The following ZNF208 variants were observed in gnomAD, a reference collection of about 807,000 sequenced individuals.
ZNF208 encodes zinc finger protein 95.
In ZNF208, 10 loss-of-function variants were observed where a neutral mutation model predicts 12.1. The observed-to-expected ratio is 0.83, with a 90% CI of 0.51 to 1.40. The LOEUF is 1.40. ZNF208 is among the 40% of genes most tolerant of loss of function. The pLI is 0.00. For synonymous variants in ZNF208, 497 were observed against 488.4 expected (o/e 1.02, Z -0.23); for missense variants, 1,652 against 1,485.0 (o/e 1.11, Z -1.85).
intron 1 of ZNF208, among the ~76,000 whole-genome samples, chr19:22,004,075 G>T (rs1033569842): frequency 1.3e-5 from 2 of 152,056 alleles, no homozygotes; most frequent in Non-Finnish European, 2.9e-5. Context: ...TACTTGGGAA[G>T]CTTAGGTAGA....
chr19:22,005,261 G>A (rs1040859950), intron 1 of ZNF208, among the ~76,000 whole-genome samples: 5 of 152,144 alleles, frequency 3.3e-5, no homozygotes, highest in Non-Finnish European at 7.4e-5. Context: ...TTTGTGAGTG[G>A]GTAGAAATCC....
chr19:21,940,918 A>G (rs1172304206), intron 4 of ZNF208: 1 of 157,384 alleles, frequency 6.4e-6, no homozygotes, highest in African/African-American at 2.4e-5. Context: ...CTGCGCACTA[A>G]GCTGAGCCGC....
intron 4 of ZNF208, among the ~76,000 whole-genome samples, chr19:21,950,849 C>T (rs1471996648): frequency 2.0e-5 from 3 of 152,106 alleles, no homozygotes; most frequent in Non-Finnish European, 4.4e-5. Context: ...AATTAGAAAA[C>T]TGGCAAACAA....
At chr19:21,997,173 A>G (rs1004336320) in intron 1 of ZNF208, among the ~76,000 whole-genome samples, 5 of 152,246 alleles carry the variant, frequency 3.3e-5, no homozygotes, top group African/African-American at 1.2e-4. Flanking sequence ...CATGCATTAT[A>G]GTCAATTTGC....
rs1297572296 is a variant in ZNF208 at position 21,972,210 on chromosome 19, C to T, written c.2824G>A (p.Glu942Lys). Residue 942 changes from glutamate to lysine, a missense_variant, in exon 4 of 4, where the codon GAG becomes AAG. By Grantham distance (56) the Glu-to-Lys change is moderately conservative. This residue lies in a region of ZNF208 where 1,239 missense variants were observed against 1,086.2 expected (regional missense o/e 1.14). Transcript: ENST00000397126. ...CATGCTTCACATTTGTAGAATTTCT[C>T]TCCAGCATGAGTTTTCTTATGTTTA... ...FSKHKKTHAG[E>K]KFYKCEACGK... is the part of the protein sequence containing the mutation. 6.2e-7 allele frequency: 1 copy of T among 1,613,304 alleles called. No homozygotes were observed. The highest frequency in any genetic ancestry group is 8.5e-7 in the Non-Finnish European group (1 of 1,179,800).
At chr19:21,958,709 A>G (rs1013729002) in intron 4 of ZNF208, among the ~76,000 whole-genome samples, 5 of 150,428 alleles carry the variant, frequency 3.3e-5, no homozygotes, top group Non-Finnish European at 7.4e-5. Context: ...CTTCTGAGAT[A>G]CTTAAACCAG....
At chr19:22,009,912 G>T (rs117014478) in intron 1 of ZNF208, among the ~76,000 whole-genome samples, 2 of 152,242 alleles carry the variant, frequency 1.3e-5, no homozygotes, top group Admixed American at 1.3e-4. Context: ...AAGGCCGGGC[G>T]CGGTGGCTTA....
rs1415802739 is a variant in ZNF208 at position 21,967,424 on chromosome 19, C to T, written c.*3767G>A. The T allele has an allele frequency of 6.6e-6, 1 of 152,076 alleles. No individual in the cohort carries two copies. The highest frequency in any genetic ancestry group is 1.5e-5 in the Non-Finnish European group (1 of 68,022). The allele number at this position is 152,076 out of a possible 1,614,324, so 9.4% of individuals were successfully genotyped here. A position where few individuals can be genotyped will look rare whatever the true frequency, so the allele number is the denominator to read the frequency against. On this transcript the variant is annotated 3_prime_UTR_variant, in exon 4 of 4. Transcript: ENST00000397126. ...TAGATGTTTATTTTTGTACCAGAAC[C>T]ATGTTATACTGGTTATTCTGATGCA...
downstream of ZNF208, among the ~76,000 whole-genome samples, chr19:21,964,256 T>A (rs535545691): frequency 2.0e-5 from 3 of 151,872 alleles, no homozygotes; most frequent in Non-Finnish European, 4.4e-5. Flanking sequence ...TTATTTCAAA[T>A]GGCTTGCTCA....
At chr19:21,985,393 G>A (rs1443362422) in intron 3 of ZNF208, among the ~76,000 whole-genome samples, 1 of 152,170 alleles carries the variant, frequency 6.6e-6, no homozygotes, top group Non-Finnish European at 1.5e-5. Context: ...CCTGGGTTAT[G>A]TAGTGAAACC....
Position 21,968,575 on chromosome 19 carries a change from TG to T in ZNF208, c.*2615del, listed in dbSNP as rs1278563064. On this transcript the variant is annotated 3_prime_UTR_variant, in exon 4 of 4. Transcript: ENST00000397126. ...GCAAAATAACTTTCTGATTTGCTTT[TG>T]AATTCAGTTTGCTAGTATTTCATGG... is the stretch of plus-strand genomic sequence containing the variant. The T allele has an allele frequency of 2.0e-5, 3 of 152,200 alleles. No individual in the cohort carries two copies. The highest frequency in any genetic ancestry group is 7.2e-5 in the African/African-American group (3 of 41,460). The allele number at this position is 152,200 out of a possible 1,614,324, so 9.4% of individuals were successfully genotyped here. A position where few individuals can be genotyped will look rare whatever the true frequency, so the allele number is the denominator to read the frequency against.
chr19:22,006,337 C>A (rs1971043650), intron 1 of ZNF208, among the ~76,000 whole-genome samples: 1 of 152,194 alleles, frequency 6.6e-6, no homozygotes, highest in Non-Finnish European at 1.5e-5. Flanking sequence ...GTTGGTACTT[C>A]CTCCTGTTGT....
In ZNF208 at chr19:21,974,400, A is replaced by T. The variant is rs760774503; in HGVS notation, c.634T>A (p.Trp212Arg). 1 of 1,613,724 alleles carries T rather than the reference A, an allele frequency of 6.2e-7. No homozygotes were observed. The highest frequency in any genetic ancestry group is 8.5e-7 in the Non-Finnish European group (1 of 1,179,782). ...KCEEGGKAFN[W>R]SSTLTYYKSA... ...TTATAATAAGTAAGGGTTGAGGACC[A>T]GTTAAAAGCTTTGCCACCTTCTTCA... The change falls in exon 4 of 4, where the codon TGG becomes AGG. Residue 212 changes from tryptophan to arginine, a missense_variant. By Grantham distance (101) the Trp-to-Arg change is moderately radical (BLOSUM62 -3). Around this residue, in one of 3 missense-constraint regions of ZNF208, gnomAD observed 410 missense variants for 378.2 expected, o/e 1.08. Coordinates refer to ENST00000397126, the MANE Select transcript of ZNF208 (RefSeq NM_007153.3).
At chr19:21,963,922 T>C (rs1352803643), downstream of ZNF208, among the ~76,000 whole-genome samples, 1 of 151,950 alleles carries the variant, frequency 6.6e-6, no homozygotes, top group Non-Finnish European at 1.5e-5. Context: ...TTTTGAGACC[T>C]ATTGCACAGC....
chr19:21,988,910 C>G lies in ZNF208; in HGVS notation c.4-1G>C, dbSNP rs1420959333. The G allele has an allele frequency of 6.2e-7, 1 of 1,613,674 alleles. No individual in the cohort carries two copies. Among genetic ancestry groups the G allele is most frequent in the East Asian group, 2.2e-5 (1 of 44,856 alleles). Reference sequence around the variant, plus strand: ...CCACATCCCTAAATGTCAATGATCCCTGGAAAACACAAACACACATATTTA... The same window carrying G: ...CCACATCCCTAAATGTCAATGATCCGTGGAAAACACAAACACACATATTTA... On this transcript the variant is annotated splice_acceptor_variant, in intron 1 of 3. Transcript: ENST00000397126. LOFTEE classifies it high-confidence loss of function.
At chr19:21,955,922 A>C (rs1288532985) in intron 4 of ZNF208, among the ~76,000 whole-genome samples, 1 of 152,206 alleles carries the variant, frequency 6.6e-6, no homozygotes, top group Non-Finnish European at 1.5e-5. Context: ...TCTGATTTTT[A>C]GAATTTTCAG....
Position 21,968,292 on chromosome 19 carries a change from T to G in ZNF208, c.*2899A>C, listed in dbSNP as rs566180643. 15 of 152,290 alleles carry G rather than the reference T, an allele frequency of 9.8e-5. No homozygotes were observed. The East Asian group carries it at 1.9e-3, about 20-fold the overall frequency. The allele number at this position is 152,290 out of a possible 1,614,324, so 9.4% of individuals were successfully genotyped here. A position where few individuals can be genotyped will look rare whatever the true frequency, so the allele number is the denominator to read the frequency against. ...ATGGATATTCTTATTTTTATTCTCA[T>G]GGAGAATGCTTCCAGTTTTTGCTCT... On this transcript the variant is annotated 3_prime_UTR_variant, in exon 4 of 4. Coordinates refer to ENST00000397126, the MANE Select transcript of ZNF208 (RefSeq NM_007153.3).
rs545374121 is a variant in ZNF208, at chr19:21,997,159, A to G, written c.4-8250T>C. On this transcript the variant is annotated intron_variant, in intron 1 of 3. Coordinates refer to ENST00000397126, the MANE Select transcript of ZNF208 (RefSeq NM_007153.3). The stretch of plus-strand genomic sequence containing the variant: ...TTTTATTACACAATTACATGTGAAT[A>G]TGACATGCATTATAGTCAATTTGCT... 1.2e-4 allele frequency among the ~76,000 whole-genome samples: 19 copies of G among 152,360 alleles called. No individual in the cohort carries two copies. The South Asian group carries it at 3.7e-3, about 30-fold the overall frequency.
At chr19:21,978,867 C>A (rs1970482757) in intron 3 of ZNF208, among the ~76,000 whole-genome samples, 1 of 151,998 alleles carries the variant, frequency 6.6e-6, no homozygotes, top group Non-Finnish European at 1.5e-5. Flanking sequence ...CGAGAATAAC[C>A]AGTTTAGAGA....
Sources: gnomAD v4.1 joint callset for allele counts (sites outside exome capture counted in the v4.1 genomes callset) on GRCh38, gnomAD v4.1.1 for gene constraint, gnomAD v4.1.1 regional missense constraint, MANE v1.5 for transcripts, NCBI Gene and HGNC (gene_info 2026-07-23, HGNC 2026-07-21) for gene names.